Variants in TULP4 observed in about 807,000 individuals in gnomAD.
TULP4 encodes TUB like protein 4, also known as tubby-related protein 4.
Under a neutral mutation model 129.0 loss-of-function variants are expected in TULP4, and 16 were observed. That is an observed-to-expected ratio of 0.12 (90% CI 0.08 to 0.19). The LOEUF (loss-of-function observed/expected upper bound fraction) is 0.19. Among genes scored for constraint, TULP4 ranks in the 10% least tolerant of loss-of-function variants. The pLI is 1.00. For synonymous variants in TULP4, 998 were observed against 854.0 expected (o/e 1.17, Z -2.94); for missense variants, 1,842 against 2,059.1 (o/e 0.89, Z 2.04).
At chr6:158,281,124 A>G (rs559241784), upstream of TULP4, among the ~76,000 whole-genome samples, 19 of 152,156 alleles carry the variant, frequency 1.2e-4, no homozygotes, top group East Asian at 9.7e-4. Flanking sequence ...AGGCAGAAGG[A>G]GAAAGAACAT....
At chr6:158,349,535 GCGCTCCT>G (rs1780437882) in intron 1 of TULP4, among the ~76,000 whole-genome samples, 1 of 136,542 alleles carries the variant, frequency 7.3e-6, no homozygotes. Context: ...CCGGGCAGAG[GCGCTCCT>G]CACATCCCAG....
At chr6:158,459,436 A>G (rs1260130371) in intron 5 of TULP4, among the ~76,000 whole-genome samples, 1 of 151,622 alleles carries the variant, frequency 6.6e-6, no homozygotes, top group Admixed American at 6.6e-5. Flanking sequence ...GTCTCAAAAA[A>G]AAAAAAAGAA....
chr6:158,396,462 C>T (rs1401147101), intron 1 of TULP4, among the ~76,000 whole-genome samples: 1 of 152,108 alleles, frequency 6.6e-6, no homozygotes, highest in Non-Finnish European at 1.5e-5. Flanking sequence ...CTTTTGGTTT[C>T]CTTACCTCAG....
intron 12 of TULP4, among the ~76,000 whole-genome samples, chr6:158,501,318 C>G (rs1304160784): frequency 6.6e-6 from 1 of 152,172 alleles, no homozygotes; most frequent in African/African-American, 2.4e-5. Context: ...TACCATTGCC[C>G]TCTTCTTGCA....
At position 158,243,067 on chromosome 6, in the gene TULP4, G is replaced by A. The variant is rs546662359; in HGVS notation, n.68+10764G>A. 2.8e-4 allele frequency among the ~76,000 whole-genome samples: 42 copies of A among 152,248 alleles called. No individual in the cohort carries two copies. In the East Asian group the frequency reaches 6.7e-3, roughly 24 times the overall value. Reference sequence around the variant, plus strand: ...CTCCCAAAGTGCTGGGATTGCAGACGTGAGCCACCGCACCCGGCCTATCAT... The same window carrying A: ...CTCCCAAAGTGCTGGGATTGCAGACATGAGCCACCGCACCCGGCCTATCAT... On this transcript the variant is annotated intron_variant and non_coding_transcript_variant, in intron 1 of 1. Transcript: ENST00000620026.
chr6:158,423,734 G>A (rs1269720037), intron 2 of TULP4, among the ~76,000 whole-genome samples: 3 of 152,062 alleles, frequency 2.0e-5, no homozygotes, highest in Non-Finnish European at 4.4e-5. Context: ...TCTGCCTACT[G>A]GGTTCATGCC....
At chr6:158,253,678 C>T (rs976185255) in intron 1 of TULP4, among the ~76,000 whole-genome samples, 21 of 151,994 alleles carry the variant, frequency 1.4e-4, no homozygotes, top group Non-Finnish European at 2.5e-4. Context: ...AACTAAAACA[C>T]TTTTTTTGAT....
chr6:158,246,323 A>C (rs2128449434), intron 1 of TULP4, among the ~76,000 whole-genome samples: 1 of 152,046 alleles, frequency 6.6e-6, no homozygotes, highest in Admixed American at 6.5e-5. Flanking sequence ...CCCAGTCTCT[A>C]CTAAAAATAC....
At chr6:158,376,123 C>G (rs192994999) in intron 1 of TULP4, among the ~76,000 whole-genome samples, 2 of 152,326 alleles carry the variant, frequency 1.3e-5, no homozygotes, top group Admixed American at 6.5e-5. Context: ...TTCCCTGCAC[C>G]TCCTCTCACC....
At position 158,508,452 on chromosome 6, in the gene TULP4, G is replaced by C. The variant is rs150000872; in HGVS notation, c.*1758G>C. ...CACTCCCAATTCTCTCCAAACCCCAGAGAAATACTGACGAAGTTTTCTGAT... is the reference window on the plus strand; with the variant it reads ...CACTCCCAATTCTCTCCAAACCCCACAGAAATACTGACGAAGTTTTCTGAT... On this transcript the variant is annotated 3_prime_UTR_variant, in exon 14 of 14. Coordinates refer to ENST00000367097, the MANE Select transcript of TULP4 (RefSeq NM_020245.5). 3 of 152,356 alleles carry C rather than the reference G, an allele frequency of 2.0e-5. No homozygotes were observed. Among genetic ancestry groups the C allele is most frequent in the Admixed American group, 2.0e-4 (3 of 15,294 alleles). The allele number at this position is 152,356 out of a possible 1,614,324, so 9.4% of individuals were successfully genotyped here.
intron 6 of TULP4, among the ~76,000 whole-genome samples, chr6:158,462,620 G>A (rs968177458): frequency 2.6e-5 from 4 of 151,574 alleles, no homozygotes; most frequent in Non-Finnish European, 4.4e-5. Flanking sequence ...TGATCTGCCC[G>A]CCTCGGCCTC....
intron 1 of TULP4, among the ~76,000 whole-genome samples, chr6:158,349,068 A>T (rs538349455): frequency 2.1e-4 from 3 of 14,378 alleles, no homozygotes; most frequent in Admixed American, 7.2e-4. Flanking sequence ...CGGGGCGGCC[A>T]GGCAGAGGCG....
At chr6:158,459,555 A>G (rs1294708164) in intron 5 of TULP4, among the ~76,000 whole-genome samples, 8 of 152,096 alleles carry the variant, frequency 5.3e-5, no homozygotes, top group Admixed American at 5.2e-4. Context: ...TGAGTCCCTG[A>G]GCAGTTTCCG....
chr6:158,232,996 C>T (rs539273861), intron 1 of TULP4, among the ~76,000 whole-genome samples: 122 of 152,366 alleles, frequency 8.0e-4, no homozygotes, highest in African/African-American at 2.8e-3. Flanking sequence ...TTGCCATGCG[C>T]TCCACAACGC....
chr6:158,268,035 C>CTTTTTTTTTTTTTTT (rs773811376), intron 1 of TULP4, among the ~76,000 whole-genome samples: 1 of 72,764 alleles, frequency 1.4e-5, no homozygotes, highest in Non-Finnish European at 3.1e-5. Context: ...TTTCTTTTTT[C>CTTTTTTTTTTTTTTT]TTTTTTTTTT....
chr6:158,302,463 T>C (rs1779148535), intron 1 of TULP4, among the ~76,000 whole-genome samples: 1 of 152,136 alleles, frequency 6.6e-6, no homozygotes, highest in Non-Finnish European at 1.5e-5. Flanking sequence ...CATCCTCCAC[T>C]TGCCTGATTT....
At chr6:158,348,173 G>GTTTTTTTTTTTTTTTTTTGTTT (rs34217788) in intron 1 of TULP4, among the ~76,000 whole-genome samples, 5 of 112,170 alleles carry the variant, frequency 4.5e-5, no homozygotes, top group Non-Finnish European at 6.7e-5. Context: ...TTTTTTTAAG[G>GTTTTTTTTTTTTTTTTTTGTTT]TTTTTTTTTT....
At chr6:158,284,438 C>T (rs760557236) in intron 1 of TULP4, among the ~76,000 whole-genome samples, 10 of 152,204 alleles carry the variant, frequency 6.6e-5, no homozygotes, top group Non-Finnish European at 1.3e-4. Flanking sequence ...GAATGCTACC[C>T]TCTACCCGCT....
intron 5 of TULP4, among the ~76,000 whole-genome samples, chr6:158,454,023 C>CCG (rs1779232861): frequency 6.8e-6 from 1 of 146,954 alleles, no homozygotes; most frequent in African/African-American, 2.5e-5. Flanking sequence ...TCTGCACCGC[C>CCG]CCCCCCCAAG....
Sources: allele counts gnomAD v4.1 joint callset (sites outside exome capture counted in the v4.1 genomes callset), GRCh38; gene constraint gnomAD v4.1.1; transcripts MANE v1.5; gene names NCBI Gene and HGNC (gene_info 2026-07-23, HGNC 2026-07-21).